Variants in WRN observed in about 807,000 individuals in gnomAD.
The protein encoded by WRN is bifunctional 3'-5' exonuclease/ATP-dependent helicase WRN.
In WRN, 149 loss-of-function variants were observed where a neutral mutation model predicts 180.7. The observed-to-expected ratio is 0.82, with a 90% CI of 0.72 to 0.94. The LOEUF is 0.94. WRN is among the 40% of genes least tolerant of loss of function. The pLI, the probability that WRN is intolerant of heterozygous loss-of-function variation, is 0.00. For missense variants in WRN, 1,661 were observed against 1,700.1 expected, an observed-to-expected ratio of 0.98 and a Z score of 0.40; for synonymous variants, 548 against 568.9, an observed-to-expected ratio of 0.96 and a Z score of 0.52.
intron 31 of WRN, among the ~76,000 whole-genome samples, chr8:31,152,358 G>A (rs1803171867): frequency 6.6e-6 from 1 of 151,698 alleles, no homozygotes; most frequent in Non-Finnish European, 1.5e-5. Flanking sequence ...ATATGAACAT[G>A]TATGGCATAA....
intron 23 of WRN, among the ~76,000 whole-genome samples, chr8:31,126,828 T>C (rs1389144888): frequency 1.3e-5 from 2 of 152,044 alleles, no homozygotes; most frequent in African/African-American, 4.8e-5. Context: ...AAAATTGATA[T>C]AAACTTCTAA....
chr8:31,132,643 C>A, intron 24 of WRN, 137 bp downstream of exon 24: 2 of 1,195,316 alleles, frequency 1.7e-6, no homozygotes, highest in Non-Finnish European at 2.4e-6. Flanking sequence ...TTACTAAGTT[C>A]CAGTTAAACA....
chr8:31,158,990 G>A (rs939802756), intron 33 of WRN, among the ~76,000 whole-genome samples: 3 of 151,950 alleles, frequency 2.0e-5, no homozygotes, highest in African/African-American at 7.2e-5. Context: ...GCTAAAGTTG[G>A]TGCATATGGA....
At position 31,167,146 on chromosome 8, in the gene WRN, CA is replaced by C. The variant is rs748089844; in HGVS notation, c.4109del (p.Asn1370ThrfsTer23). On this transcript the variant is annotated frameshift_variant, in exon 34 of 35. Transcript: ENST00000298139. LOFTEE classifies it high-confidence loss of function. ...GCGGACTTCAACCTTCATGTGATGT[CA>C]ACAAAAGGAGATGTTTTCCCGGTTC... is the stretch of plus-strand genomic sequence containing the variant. The part of the protein sequence containing the change: ...DSGLQPSCDV[N>X]KRRCFPGSEE... 2 of 1,613,262 alleles carry C rather than the reference CA, an allele frequency of 1.2e-6. No homozygotes were observed. Among genetic ancestry groups the C allele is most frequent in the South Asian group, 1.1e-5 (1 of 91,050 alleles).
At chr8:31,051,423 A>G (rs890984261) in intron 1 of WRN, among the ~76,000 whole-genome samples, 2 of 152,172 alleles carry the variant, frequency 1.3e-5, no homozygotes, top group Non-Finnish European at 2.9e-5. Context: ...CTAATTTGGA[A>G]TGTAATTGGT....
intron 4 of WRN, 32 bp from the exon 5 acceptor site, chr8:31,064,883 G>A (rs781294554): frequency 6.2e-7 from 1 of 1,611,506 alleles, no homozygotes; most frequent in Admixed American, 1.7e-5. Context: ...ATACTTGACA[G>A]AACTTATGGA....
chr8:31,145,686 G>A (rs1009960697), intron 28 of WRN, among the ~76,000 whole-genome samples: 1 of 152,120 alleles, frequency 6.6e-6, no homozygotes, highest in African/African-American at 2.4e-5. Flanking sequence ...TGTAGATAGT[G>A]ATTATCAGAG....
chr8:31,135,241 A>C (rs775139944), intron 24 of WRN, among the ~76,000 whole-genome samples: 6 of 151,830 alleles, frequency 4.0e-5, no homozygotes, highest in Non-Finnish European at 8.8e-5. Context: ...ATTTTTTTGT[A>C]GGTATGGGGT....
intron 16 of WRN, among the ~76,000 whole-genome samples, chr8:31,095,444 T>C (rs901781121): frequency 6.6e-6 from 1 of 152,210 alleles, no homozygotes; most frequent in African/African-American, 2.4e-5. Flanking sequence ...ATTCGTTCTT[T>C]TAGGGATTTT....
chr8:31,138,225 A>G (rs566898555), intron 24 of WRN, among the ~76,000 whole-genome samples: 1 of 152,332 alleles, frequency 6.6e-6, no homozygotes, highest in Non-Finnish European at 1.5e-5. Context: ...TTTGTTAACA[A>G]TATGGGTAAA....
chr8:31,134,238 C>T (rs569791168), intron 24 of WRN, among the ~76,000 whole-genome samples: 104 of 152,152 alleles, frequency 6.8e-4, no homozygotes, highest in African/African-American at 2.2e-3. Context: ...GAAATGTTCC[C>T]TTTAACCAAC....
intron 24 of WRN, among the ~76,000 whole-genome samples, chr8:31,136,480 C>T (rs1400359528): frequency 6.6e-6 from 1 of 152,156 alleles, no homozygotes; most frequent in African/African-American, 2.4e-5. Context: ...AAATGGATTT[C>T]CTGCCTGCTA....
chr8:31,104,307 G>T (rs1436907228), intron 18 of WRN, among the ~76,000 whole-genome samples: 1 of 152,104 alleles, frequency 6.6e-6, no homozygotes, highest in Non-Finnish European at 1.5e-5. Flanking sequence ...TTCTCTCATG[G>T]CTAATGATGG....
intron 32 of WRN, among the ~76,000 whole-genome samples, chr8:31,155,813 A>G (rs1274896823): frequency 6.6e-6 from 1 of 152,164 alleles, no homozygotes. Flanking sequence ...AACAAGTGAT[A>G]TGGTCCAATG....
chr8:31,085,468 CTTT>C (rs1038655830), intron 11 of WRN, among the ~76,000 whole-genome samples: 1 of 142,424 alleles, frequency 7.0e-6, no homozygotes. Context: ...TTTGTTCCTT[CTTT>C]TTTTTTTTTT....
intron 18 of WRN, 72 bp downstream of exon 18, chr8:31,101,027 T>A: frequency 7.7e-7 from 1 of 1,296,334 alleles, no homozygotes; most frequent in Non-Finnish European, 1.1e-6. Flanking sequence ...TGGGGAGTGG[T>A]AAAGAAGCTG....
At chr8:31,099,626 G>C (rs1814142695) in intron 17 of WRN, among the ~76,000 whole-genome samples, 1 of 147,904 alleles carries the variant, frequency 6.8e-6, no homozygotes, top group Admixed American at 6.8e-5. Flanking sequence ...AGCTTGTAAT[G>C]TTAGTGAATT....
rs192093605 is a variant in WRN at position 31,105,680 on chromosome 8, G to A, written c.2088+4725G>A. 8.3e-3 allele frequency among the ~76,000 whole-genome samples: 1,267 copies of A among 152,140 alleles called. 18 individuals carry two copies. The highest frequency in any genetic ancestry group is 0.029 in the African/African-American group (1,218 of 41,504). On this transcript the variant is annotated intron_variant, in intron 18 of 34. Coordinates refer to ENST00000298139, the MANE Select transcript of WRN (RefSeq NM_000553.6). Reference sequence around the variant, plus strand: ...TCACCATATTGGCCAGGCTGGTCTCGAACTCCTGACCTCAGGTGATCCACC... The same window carrying A: ...TCACCATATTGGCCAGGCTGGTCTCAAACTCCTGACCTCAGGTGATCCACC...
rs919875984 is a variant in WRN, at chr8:31,120,063, C to T, written c.2449-180C>T. The T allele has an allele frequency of 1.0e-5, 7 of 677,340 alleles. No homozygotes were observed. In the Middle Eastern group the frequency reaches 1.3e-3, roughly 123 times the overall value. 42.0% of individuals were successfully genotyped at this position (677,340 alleles called of 1,614,324 possible). A position where few individuals can be genotyped will look rare whatever the true frequency, so the allele number is the denominator to read the frequency against. On this transcript the variant is annotated intron_variant, in intron 20 of 34. Coordinates refer to ENST00000298139, the MANE Select transcript of WRN (RefSeq NM_000553.6). ...TGAACAGAAATCCCATTTCTAGTCA[C>T]CAGTCCTTAATCTGTAAATCAGGCA...
Sources: allele counts gnomAD v4.1 joint callset (sites outside exome capture counted in the v4.1 genomes callset), GRCh38; gene constraint gnomAD v4.1.1; transcripts MANE v1.5; gene names NCBI Gene and HGNC (gene_info 2026-07-23, HGNC 2026-07-21).